TRA2B: variants seen among roughly 807,000 people sequenced by gnomAD.
TRA2B encodes transformer-2 protein homolog beta.
Under a neutral mutation model 41.7 loss-of-function variants are expected in TRA2B, and 14 were observed. That is an observed-to-expected ratio of 0.34 (90% CI 0.22 to 0.53). The LOEUF (loss-of-function observed/expected upper bound fraction) is 0.53. Ranked by LOEUF, TRA2B falls within the 20% of genes least tolerant of loss-of-function variation. The pLI, the probability that TRA2B is intolerant of heterozygous loss-of-function variation, is 0.95. For missense variants in TRA2B, 167 were observed against 396.8 expected (o/e 0.42, Z 4.92); for synonymous variants, 130 against 128.8 (o/e 1.01, Z -0.06).
At chr3:185,917,857 G>A (rs1431484780) in intron 8 of TRA2B, 132 bp from the exon 9 acceptor site, 8 of 795,014 alleles carry the variant, frequency 1.0e-5, no homozygotes, top group Middle Eastern at 2.3e-4. Context: ...CCCCCAAATA[G>A]AGAAAGACTT....
chr3:185,918,289 T>A (rs1743580548), intron 8 of TRA2B, 76 bp downstream of exon 8: 3 of 1,071,064 alleles, frequency 2.8e-6, no homozygotes, highest in Non-Finnish European at 4.2e-6. Context: ...CAATCCATTA[T>A]CTGATAAAGG....
At chr3:185,935,460 A>C (rs890263999) in intron 1 of TRA2B, 1 of 985,346 alleles carries the variant, frequency 1.0e-6, no homozygotes, top group African/African-American at 1.7e-5. Context: ...AGAATAATTT[A>C]TCCCACACAC....
intron 1 of TRA2B, chr3:185,935,927 G>A: frequency 1.0e-6 from 1 of 985,380 alleles, no homozygotes; most frequent in Non-Finnish European, 1.2e-6. Flanking sequence ...AACACATTAA[G>A]TTAACCTCCC....
chr3:185,924,750 T>C (rs1164158276), intron 3 of TRA2B: 1 of 152,290 alleles, frequency 6.6e-6, no homozygotes, highest in African/African-American at 2.4e-5. Flanking sequence ...AGGTAGAAGC[T>C]GCAGTAAGCT....
intron 1 of TRA2B, chr3:185,937,466 G>A: frequency 2.8e-6 from 3 of 1,060,040 alleles, no homozygotes; most frequent in Non-Finnish European, 3.4e-6. Context: ...GCCAGCCCAA[G>A]ATGGCTGCGG....
chr3:185,930,019 C>G (rs551412986), intron 1 of TRA2B, among the ~76,000 whole-genome samples: 3 of 152,176 alleles, frequency 2.0e-5, no homozygotes, highest in South Asian at 2.1e-4. Context: ...CCCTATGGCC[C>G]GAGGAGGAGA....
rs140662277 is a variant in TRA2B at position 185,925,587 on chromosome 3, C to T, written c.210G>A (p.Arg70=). The part of the protein sequence containing the change: ...SRRSSRRHYT[R]SRSRSRSHRR... ...TATGGGAGCGGGAGCGAGACCGTGA[C>T]CGGGTATAATGCCTTCGGGAGCTTC... The change falls in exon 3 of 9, where the codon CGG becomes CGA. Residue 70 remains arginine (R), a synonymous_variant. Transcript: ENST00000453386. 6.2e-7 allele frequency: 1 copy of T among 1,614,108 alleles called. No individual in the cohort carries two copies. Among genetic ancestry groups the T allele is most frequent in the Non-Finnish European group, 8.5e-7 (1 of 1,179,990 alleles).
At chr3:185,936,411 C>T (rs934842917) in intron 1 of TRA2B, 1 of 985,292 alleles carries the variant, frequency 1.0e-6, no homozygotes, top group Non-Finnish European at 1.2e-6. Context: ...TCGGGAAAAA[C>T]ATCAAAAACT....
rs746004189 is a variant in TRA2B at position 185,931,454 on chromosome 3, C to T, written c.37-4720G>A. On this transcript the variant is annotated intron_variant, in intron 1 of 8. Coordinates refer to ENST00000453386, the MANE Select transcript of TRA2B (RefSeq NM_004593.3). ...AACTAAGCAGTTAAAATCAGAATTACCTAATTTAAACGTTTCCCCTGGAAG... is the reference window on the plus strand; with the variant it reads ...AACTAAGCAGTTAAAATCAGAATTATCTAATTTAAACGTTTCCCCTGGAAG... The T allele has an allele frequency of 1.2e-4, 80 of 655,982 alleles. No individual in the cohort carries two copies. In the African/African-American group the frequency reaches 1.4e-3, roughly 11 times the overall value. 40.6% of individuals were successfully genotyped at this position (655,982 alleles called of 1,614,324 possible).
At chr3:185,924,050 G>A in intron 3 of TRA2B, 66 bp from the exon 4 acceptor site, 4 of 1,462,444 alleles carry the variant, frequency 2.7e-6, no homozygotes, top group Non-Finnish European at 2.8e-6. Flanking sequence ...TTTAAAAAGG[G>A]AGCTGTATAC....
chr3:185,917,743 A>C lies in TRA2B; in HGVS notation c.857-18T>G. 1 of 1,610,998 alleles carries C rather than the reference A, an allele frequency of 6.2e-7. No individual in the cohort carries two copies. Among genetic ancestry groups the C allele is most frequent in the East Asian group, 2.2e-5 (1 of 44,832 alleles). On this transcript the variant is annotated intron_variant, in intron 8 of 8. Coordinates refer to ENST00000453386, the MANE Select transcript of TRA2B (RefSeq NM_004593.3). ...ATAGCGACCTGGGAAGAAAAGAATG[A>C]ACATGCTTTAATATTAAGTGAACTA...
chr3:185,937,252 A>G lies in TRA2B; in HGVS notation c.36+573T>C, dbSNP rs930700736. On this transcript the variant is annotated intron_variant, in intron 1 of 8. Coordinates refer to ENST00000453386, the MANE Select transcript of TRA2B (RefSeq NM_004593.3). ...ATTAGTTTCCATCTTAAGAGGCCCC[A>G]AAGACATCCCAGACTCCGTCCTTTC... The G allele has an allele frequency of 9.1e-6, 9 of 986,034 alleles. No individual in the cohort carries two copies. The African/African-American group carries it at 1.0e-4, about 11-fold the overall frequency. 61.1% of individuals were successfully genotyped at this position (986,034 alleles called of 1,614,324 possible). A position where few individuals can be genotyped will look rare whatever the true frequency, so the allele number is the denominator to read the frequency against.
chr3:185,936,092 G>T, intron 1 of TRA2B: 1 of 985,300 alleles, frequency 1.0e-6, no homozygotes, highest in South Asian at 4.7e-5. Flanking sequence ...TGAACTCTGG[G>T]CAATTTTCCA....
chr3:185,934,912 A>C (rs1401832228), intron 1 of TRA2B: 11 of 985,312 alleles, frequency 1.1e-5, no homozygotes, highest in Non-Finnish European at 1.2e-5. Context: ...GCTGGGTCAA[A>C]ACATTTTCTT....
At chr3:185,920,954 A>C in intron 6 of TRA2B, 150 bp downstream of exon 6, 4 of 520,650 alleles carry the variant, frequency 7.7e-6, no homozygotes. Flanking sequence ...TAAGACACAG[A>C]ACCTTAGAAT....
At chr3:185,925,693 T>C in intron 2 of TRA2B, 67 bp from the exon 3 acceptor site, 1 of 1,485,592 alleles carries the variant, frequency 6.7e-7, no homozygotes, top group Non-Finnish European at 9.0e-7. Flanking sequence ...TACTCTGTTC[T>C]AAAGTTAAAC....
intron 1 of TRA2B, chr3:185,936,262 GTT>G (rs1560016886): frequency 7.1e-6 from 7 of 985,340 alleles, no homozygotes; most frequent in Non-Finnish European, 8.4e-6. Context: ...ACCAATGACT[GTT>G]ATAACAGATT....
chr3:185,929,397 ACT>A (rs902253138), intron 1 of TRA2B, among the ~76,000 whole-genome samples: 3 of 152,022 alleles, frequency 2.0e-5, no homozygotes, highest in Non-Finnish European at 4.4e-5. Context: ...TTCAAATTCC[ACT>A]CTCAGGGCTG....
intron 1 of TRA2B, chr3:185,937,433 G>T: frequency 9.7e-7 from 1 of 1,028,536 alleles, no homozygotes; most frequent in Non-Finnish European, 1.2e-6. Context: ...GCCATTTTGT[G>T]CCTCTGGCAG....
Sources: gnomAD v4.1 joint callset for allele counts (sites outside exome capture counted in the v4.1 genomes callset) on GRCh38, gnomAD v4.1.1 for gene constraint, MANE v1.5 for transcripts, NCBI Gene and HGNC (gene_info 2026-07-23, HGNC 2026-07-21) for gene names.